The following FER variants were observed in gnomAD, a reference collection of about 807,000 sequenced individuals.
FER encodes tyrosine-protein kinase Fer.
A neutral mutation model predicts 111.0 loss-of-function variants in FER; 63 were observed. The ratio of observed to expected loss-of-function variants is 0.57; its 90% CI spans 0.46 to 0.70. The LOEUF is 0.70. Ranked by LOEUF, FER falls within the 30% of genes least tolerant of loss-of-function variation. FER has a pLI of 0.00. For synonymous variants in FER, 327 were observed against 313.9 expected (o/e 1.04, Z -0.44); for missense variants, 914 against 954.0 (o/e 0.96, Z 0.55).
chr5:109,060,819 A>G (rs1774318702), intron 16 of FER, among the ~76,000 whole-genome samples: 1 of 148,842 alleles, frequency 6.7e-6, no homozygotes, highest in Non-Finnish European at 1.5e-5. Flanking sequence ...AAACATCTAC[A>G]TAAATATCTT....
rs1049852822 is a variant in FER, at chr5:109,027,333, CAA to C, written c.1657-10088_1657-10087del. Reference sequence around the variant, plus strand: ...TTAAGGTAGAATTATTTATCAAAAACAATGATTTAAAAATGAAAATGTTGAAT... The same window carrying C: ...TTAAGGTAGAATTATTTATCAAAAACTGATTTAAAAATGAAAATGTTGAAT... On this transcript the variant is annotated intron_variant, in intron 13 of 19. Transcript: ENST00000281092. Among the ~76,000 whole-genome samples the C allele has an allele frequency of 5.3e-5, 8 of 151,924 alleles. No homozygotes were observed. The East Asian group carries it at 1.4e-3, about 26-fold the overall frequency.
At chr5:109,153,209 T>TAA (rs145045504) in intron 17 of FER, among the ~76,000 whole-genome samples, 19 of 146,028 alleles carry the variant, frequency 1.3e-4, no homozygotes, top group Admixed American at 2.1e-4. Context: ...GATTTTATGG[T>TAA]AAAAAAAAAA....
At chr5:109,096,221 C>T (rs988348677) in intron 16 of FER, among the ~76,000 whole-genome samples, 2 of 151,848 alleles carry the variant, frequency 1.3e-5, no homozygotes, top group Non-Finnish European at 2.9e-5. Flanking sequence ...ATAATAGCCA[C>T]CTATCATCTC....
rs191284417 is a variant in FER at position 109,168,942 on chromosome 5, G to A, written c.2049-11805G>A. ...ATTTTACATTTATAGAAATTATTTT[G>A]TCCACCTGGAGTCTTTCAGACACTT... On this transcript the variant is annotated intron_variant, in intron 17 of 19. Coordinates refer to ENST00000281092, the MANE Select transcript of FER (RefSeq NM_005246.4). 2.4e-4 allele frequency among the ~76,000 whole-genome samples: 36 copies of A among 152,226 alleles called. No individual in the cohort carries two copies. In the East Asian group the frequency reaches 6.2e-3, roughly 26 times the overall value.
intron 16 of FER, among the ~76,000 whole-genome samples, chr5:109,057,523 C>T (rs574987475): frequency 3.1e-4 from 36 of 115,254 alleles, no homozygotes; most frequent in African/African-American, 1.1e-3. Context: ...CAGGGTCTCA[C>T]TCTGTCACCT....
At chr5:108,796,029 C>T (rs1755977677) in intron 2 of FER, among the ~76,000 whole-genome samples, 1 of 152,144 alleles carries the variant, frequency 6.6e-6, no homozygotes, top group Admixed American at 6.6e-5. Flanking sequence ...CTTGGGAAGG[C>T]TTTCCAGGTA....
At chr5:109,067,723 T>C (rs1442974586) in intron 16 of FER, among the ~76,000 whole-genome samples, 1 of 152,150 alleles carries the variant, frequency 6.6e-6, no homozygotes, top group Non-Finnish European at 1.5e-5. Flanking sequence ...TAGATATATA[T>C]TTTGGGTTAA....
intron 10 of FER, among the ~76,000 whole-genome samples, chr5:108,908,720 CAAA>C (rs534004723): frequency 5.7e-5 from 4 of 69,616 alleles, no homozygotes; most frequent in Admixed American, 1.7e-4. Flanking sequence ...GACTCCGTCT[CAAA>C]AAAAAAAAAA....
chr5:108,782,268 G>A (rs1391095098), intron 2 of FER, among the ~76,000 whole-genome samples: 1 of 150,690 alleles, frequency 6.6e-6, no homozygotes, highest in Non-Finnish European at 1.5e-5. Flanking sequence ...TTGGTAGGAT[G>A]GCCTAGTGAC....
chr5:109,028,534 G>A (rs1769110763), intron 13 of FER, among the ~76,000 whole-genome samples: 1 of 152,130 alleles, frequency 6.6e-6, no homozygotes, highest in Non-Finnish European at 1.5e-5. Context: ...AAGCTTCAGA[G>A]TCAGACATAT....
At chr5:108,807,443 G>A (rs1314364782) in intron 3 of FER, among the ~76,000 whole-genome samples, 1 of 152,096 alleles carries the variant, frequency 6.6e-6, no homozygotes, top group Non-Finnish European at 1.5e-5. Flanking sequence ...AGGATCTTTT[G>A]TTTTTCTGTG....
intron 16 of FER, among the ~76,000 whole-genome samples, chr5:109,055,227 G>T (rs1024065429): frequency 5.3e-5 from 8 of 152,072 alleles, no homozygotes; most frequent in Non-Finnish European, 1.0e-4. Flanking sequence ...GAGAACATGG[G>T]GGAAAACTCT....
At chr5:109,158,722 C>T (rs2126727334) in intron 17 of FER, among the ~76,000 whole-genome samples, 1 of 152,260 alleles carries the variant, frequency 6.6e-6, no homozygotes, top group East Asian at 1.9e-4. Context: ...TACTGATCCT[C>T]TCAAAAATTG....
At chr5:108,988,685 G>A (rs1191645617) in intron 13 of FER, among the ~76,000 whole-genome samples, 3 of 152,010 alleles carry the variant, frequency 2.0e-5, no homozygotes, top group South Asian at 2.1e-4. Context: ...TATTTTCTGG[G>A]TTAATGCTGC....
At chr5:109,160,996 A>G (rs550824635) in intron 17 of FER, among the ~76,000 whole-genome samples, 28 of 152,180 alleles carry the variant, frequency 1.8e-4, no homozygotes, top group Middle Eastern at 6.8e-3. Context: ...CCTTTTTTCA[A>G]ATTCTGTCTC....
chr5:109,097,524 C>T (rs1458294696), intron 16 of FER, among the ~76,000 whole-genome samples: 1 of 151,802 alleles, frequency 6.6e-6, no homozygotes, highest in African/African-American at 2.4e-5. Flanking sequence ...ATGAATATTG[C>T]ATATATCACA....
intron 13 of FER, among the ~76,000 whole-genome samples, chr5:109,025,019 G>A (rs1253967697): frequency 6.6e-6 from 1 of 152,052 alleles, no homozygotes; most frequent in East Asian, 1.9e-4. Flanking sequence ...TTTGGTTACT[G>A]TAGCTTTGTA....
intron 16 of FER, among the ~76,000 whole-genome samples, chr5:109,098,226 ATAT>A (rs1561891701): frequency 6.6e-6 from 1 of 151,824 alleles, no homozygotes; most frequent in African/African-American, 2.4e-5. Flanking sequence ...GTTTATTAAT[ATAT>A]TATGTACTAT....
intron 5 of FER, among the ~76,000 whole-genome samples, chr5:108,852,159 T>G (rs1762601082): frequency 6.6e-6 from 1 of 152,210 alleles, no homozygotes; most frequent in African/African-American, 2.4e-5. Flanking sequence ...GCTAGAACTG[T>G]GGGGAGTAGC....
Sources: allele counts gnomAD v4.1 joint callset (sites outside exome capture counted in the v4.1 genomes callset), GRCh38; gene constraint gnomAD v4.1.1; transcripts MANE v1.5; gene names NCBI Gene and HGNC (gene_info 2026-07-23, HGNC 2026-07-21).